The following EPB41L4B variants were observed in gnomAD, a reference collection of about 807,000 sequenced individuals.
EPB41L4B encodes the protein band 4.1-like protein 4B.
EPB41L4B carries 30 observed loss-of-function variants against 112.5 expected under a neutral mutation model. That is an observed-to-expected ratio of 0.27 (90% CI 0.20 to 0.36). EPB41L4B has a LOEUF of 0.36. Among genes scored for constraint, EPB41L4B ranks in the 10% least tolerant of loss-of-function variants. The probability of loss-of-function intolerance (pLI) is 1.00; values close to 1 mark genes in which losing one functional copy is unlikely to be tolerated. For missense variants in EPB41L4B, 1,024 were observed against 1,133.3 expected (o/e 0.90, Z 1.38); for synonymous variants, 408 against 439.7 (o/e 0.93, Z 0.90).
chr9:109,267,129 C>T (rs890100782), intron 4 of EPB41L4B, among the ~76,000 whole-genome samples: 1 of 152,058 alleles, frequency 6.6e-6, no homozygotes, highest in African/African-American at 2.4e-5. Flanking sequence ...CATAAGATGG[C>T]GATTAAGGAC....
At chr9:109,283,115 G>A (rs1026124812) in intron 1 of EPB41L4B, among the ~76,000 whole-genome samples, 3 of 152,222 alleles carry the variant, frequency 2.0e-5, no homozygotes, top group Non-Finnish European at 4.4e-5. Flanking sequence ...GTCTACAGAT[G>A]CACACTTGGG....
At chr9:109,282,801 C>T (rs1836118755) in intron 1 of EPB41L4B, among the ~76,000 whole-genome samples, 1 of 152,156 alleles carries the variant, frequency 6.6e-6, no homozygotes, top group Non-Finnish European at 1.5e-5. Context: ...AGCGATTCTG[C>T]TGCCTCAGCC....
intron 1 of EPB41L4B, among the ~76,000 whole-genome samples, chr9:109,317,863 TAA>T (rs1419139802): frequency 6.6e-6 from 1 of 152,120 alleles, no homozygotes; most frequent in Admixed American, 6.5e-5. Flanking sequence ...AAGGACAGCA[TAA>T]AGAGTGAGCC....
chr9:109,216,695 T>A (rs575519834), intron 16 of EPB41L4B, among the ~76,000 whole-genome samples: 15 of 151,618 alleles, frequency 9.9e-5, no homozygotes, highest in African/African-American at 3.6e-4. Context: ...TGGAGAACTG[T>A]GACCCTATAA....
chr9:109,217,287 A>G (rs1444859317), intron 15 of EPB41L4B, 142 bp from the exon 16 acceptor site: 17 of 690,516 alleles, frequency 2.5e-5, no homozygotes, highest in Non-Finnish European at 4.2e-5. Flanking sequence ...TAAAGTATAT[A>G]CAATGGTAAT....
At chr9:109,226,698 A>ATATATATATGAAGAATATATATATGAAG (rs1564279075) in intron 15 of EPB41L4B, among the ~76,000 whole-genome samples, 1 of 136,612 alleles carries the variant, frequency 7.3e-6, no homozygotes, top group Non-Finnish European at 1.6e-5. Flanking sequence ...ATATATATGA[A>ATATATATATGAAGAATATATATATGAAG]TATATATATG....
At chr9:109,285,770 C>T (rs1306665493) in intron 1 of EPB41L4B, among the ~76,000 whole-genome samples, 3 of 152,128 alleles carry the variant, frequency 2.0e-5, no homozygotes, top group Non-Finnish European at 4.4e-5. Flanking sequence ...GCACCGCCAG[C>T]CTGGACACCC....
intron 22 of EPB41L4B, 49 bp from the exon 23 acceptor site, chr9:109,185,654 G>A: frequency 6.9e-7 from 1 of 1,446,588 alleles, no homozygotes; most frequent in Non-Finnish European, 9.5e-7. Flanking sequence ...GCAAGAGAAG[G>A]GGAGGAGGAA....
chr9:109,313,414 T>C (rs1214895504), intron 1 of EPB41L4B, among the ~76,000 whole-genome samples: 13 of 151,980 alleles, frequency 8.6e-5, no homozygotes, highest in Non-Finnish European at 1.9e-4. Flanking sequence ...GGAGTGAGAT[T>C]AGAGGGATTA....
chr9:109,187,798 C>G (rs746171266), intron 22 of EPB41L4B, among the ~76,000 whole-genome samples: 10 of 152,198 alleles, frequency 6.6e-5, no homozygotes, highest in Non-Finnish European at 1.0e-4. Context: ...AACTGAAGAA[C>G]ATAATGAGCG....
At chr9:109,275,594 G>A (rs769834925) in intron 2 of EPB41L4B, among the ~76,000 whole-genome samples, 3 of 152,172 alleles carry the variant, frequency 2.0e-5, no homozygotes, top group South Asian at 2.1e-4. Context: ...GATGACTTCC[G>A]GTCCCCCCTC....
At chr9:109,249,008 G>C (rs895548630) in intron 13 of EPB41L4B, among the ~76,000 whole-genome samples, 1 of 150,230 alleles carries the variant, frequency 6.7e-6, no homozygotes, top group African/African-American at 2.5e-5. Context: ...GCAGTGAGCC[G>C]AGACTGCGCC....
At chr9:109,261,604 A>C (rs1835205970) in intron 6 of EPB41L4B, among the ~76,000 whole-genome samples, 1 of 152,186 alleles carries the variant, frequency 6.6e-6, no homozygotes. Flanking sequence ...AAATACACAT[A>C]CTAAAAATAC....
intron 15 of EPB41L4B, chr9:109,239,742 A>G: frequency 1.2e-6 from 1 of 827,006 alleles, no homozygotes; most frequent in Non-Finnish European, 1.5e-6. Context: ...TTAAGCAGAG[A>G]GGTATTTATT....
chr9:109,223,333 G>T (rs897941308), intron 15 of EPB41L4B, among the ~76,000 whole-genome samples: 2 of 151,644 alleles, frequency 1.3e-5, no homozygotes, highest in Admixed American at 1.3e-4. Context: ...TACTCAGGAG[G>T]CTTAGATGGA....
rs542415741 is a variant in EPB41L4B at position 109,216,275 on chromosome 9, G to A, written c.1633+647C>T. ...ATCCCAGCACTTTGGGATTTTTTTC[G>A]TCCAGCTCTTTTGTAAGGCACTAAT... On this transcript the variant is annotated intron_variant, in intron 16 of 25. Transcript: ENST00000374566. 8.6e-5 allele frequency among the ~76,000 whole-genome samples: 13 copies of A among 151,654 alleles called. No individual in the cohort carries two copies. The South Asian group carries it at 2.1e-3, about 24-fold the overall frequency.
intron 1 of EPB41L4B, among the ~76,000 whole-genome samples, chr9:109,297,265 T>C (rs1007945074): frequency 6.6e-6 from 1 of 152,026 alleles, no homozygotes; most frequent in Admixed American, 6.6e-5. Flanking sequence ...CGTACCACGA[T>C]CTTGGATTCC....
rs1368702816 is a variant in EPB41L4B at position 109,207,992 on chromosome 9, C to A, written c.1810G>T (p.Val604Phe). ...ATGTTACACTTCACATGATCCGCAA[C>A]AGGGGAAGGCAAAAGTGGAGTCTGA... ...TLQTPLLPSP[V>F]ADHVKCNILK... is the part of the protein sequence containing the mutation. The change falls in exon 18 of 26, where the codon GTT becomes TTT. Residue 604 changes from valine to phenylalanine, a missense_variant. Val to Phe is a conservative substitution (Grantham distance 50). Transcript: ENST00000374566. 1 of 1,614,080 alleles carries A rather than the reference C, an allele frequency of 6.2e-7. No homozygotes were observed. Among genetic ancestry groups the A allele is most frequent in the Non-Finnish European group, 8.5e-7 (1 of 1,180,036 alleles).
At chr9:109,283,620 T>G (rs983411428) in intron 1 of EPB41L4B, among the ~76,000 whole-genome samples, 1 of 152,216 alleles carries the variant, frequency 6.6e-6, no homozygotes, top group Admixed American at 6.5e-5. Flanking sequence ...ATGACAATGT[T>G]AGGTAAACAG....
Sources: allele counts gnomAD v4.1 joint callset (sites outside exome capture counted in the v4.1 genomes callset), GRCh38; gene constraint gnomAD v4.1.1; transcripts MANE v1.5; gene names NCBI Gene and HGNC (gene_info 2026-07-23, HGNC 2026-07-21).